C10orf67: variants seen among roughly 807,000 people sequenced by gnomAD.
C10orf67 encodes the protein chromosome 10 open reading frame 67, also known as uncharacterized protein C10orf67, mitochondrial.
A neutral mutation model predicts 35.6 loss-of-function variants in C10orf67; 60 were observed. The observed-to-expected ratio is 1.68, with a 90% confidence interval of 1.37 to 2.09. C10orf67 has a LOEUF of 2.09. C10orf67 is among the 30% of genes most tolerant of loss of function. C10orf67 has a pLI of 0.00. For synonymous variants in C10orf67, 167 were observed against 115.8 expected (o/e 1.44, Z -2.84); for missense variants, 474 against 330.2 (o/e 1.44, Z -3.38).
rs771998693 is a variant in C10orf67, at chr10:23,291,235, T to C, written c.747A>G (p.Glu249=). 1 of 716,924 alleles carries C rather than the reference T, an allele frequency of 1.4e-6. No homozygotes were observed. Among genetic ancestry groups the C allele is most frequent in the South Asian group, 1.5e-5 (1 of 67,468 alleles). The allele number at this position is 716,924 out of a possible 1,614,324, so 44.4% of individuals were successfully genotyped here. A position where few individuals can be genotyped will look rare whatever the true frequency, so the allele number is the denominator to read the frequency against. Residue 249 remains glutamate (E), a synonymous_variant, in exon 6 of 16, where the codon GAA becomes GAG. Transcript: ENST00000636213. The stretch of plus-strand genomic sequence containing the variant: ...CCACTTTGTACTCCAAATTTTCCTT[T>C]TCTAGGTTTGATTTTGGAGAGCTGG... ...KETSSPKSNL[E]KENLEYKVEN...
At chr10:23,308,569 C>T (rs1055470399) in intron 4 of C10orf67, among the ~76,000 whole-genome samples, 9 of 152,132 alleles carry the variant, frequency 5.9e-5, no homozygotes, top group Non-Finnish European at 1.3e-4. Flanking sequence ...CACGTTGCCA[C>T]AGGTCTCTGT....
chr10:23,271,048 C>T (rs1460106078), intron 8 of C10orf67, among the ~76,000 whole-genome samples: 4 of 152,174 alleles, frequency 2.6e-5, no homozygotes, highest in East Asian at 3.8e-4. Flanking sequence ...CAAAGAAACA[C>T]ATATGCTCAA....
chr10:23,248,459 G>A (rs1842369986), intron 12 of C10orf67, among the ~76,000 whole-genome samples: 1 of 152,160 alleles, frequency 6.6e-6, no homozygotes, highest in South Asian at 2.1e-4. Flanking sequence ...GATGGAAAAG[G>A]AGCTTGGAAA....
In C10orf67 at chr10:23,216,180, C is replaced by T. The variant is rs1174643279; in HGVS notation, c.1570+7418G>A. Among the ~76,000 whole-genome samples, 5 of 152,024 alleles carry T rather than the reference C, an allele frequency of 3.3e-5. 1 individual carries two copies. The East Asian group carries it at 5.8e-4, about 18-fold the overall frequency. On this transcript the variant is annotated intron_variant, in intron 15 of 15. Transcript: ENST00000636213. ...ATGTATAGACTCCTATAAAAAAGAA[C>T]CACCCAATTATAGAAAAATCATCTA...
At chr10:23,293,931 T>C (rs1356765439) in intron 5 of C10orf67, among the ~76,000 whole-genome samples, 1 of 152,220 alleles carries the variant, frequency 6.6e-6, no homozygotes, top group Non-Finnish European at 1.5e-5. Context: ...AACCCAGAGC[T>C]ACTGTGTCAG....
chr10:23,205,549 G>A (rs1238075419), intron 15 of C10orf67, among the ~76,000 whole-genome samples: 1 of 152,220 alleles, frequency 6.6e-6, no homozygotes, highest in African/African-American at 2.4e-5. Flanking sequence ...AGTTCTGGTA[G>A]TACAATGTTG....
rs56738859 is a variant in C10orf67 at position 23,307,608 on chromosome 10, G to GT, written c.547-4150dup. Among the ~76,000 whole-genome samples, 607 of 135,758 alleles carry GT rather than the reference G, an allele frequency of 4.5e-3. 2 individuals carry two copies. The highest frequency in any genetic ancestry group is 8.6e-3 in the African/African-American group (314 of 36,632). The allele number at this position is 135,758 out of a possible 152,430, so 89.1% of individuals were successfully genotyped here. A position where few individuals can be genotyped will look rare whatever the true frequency, so the allele number is the denominator to read the frequency against. On this transcript the variant is annotated intron_variant, in intron 4 of 15. Coordinates refer to ENST00000636213, the MANE Select transcript of C10orf67 (RefSeq NM_001371909.1). ...TTTATTTATTTAGATTTTTTATTTA[G>GT]TTTTTTTTTTTTTTTTTTAAGACAG...
intron 4 of C10orf67, among the ~76,000 whole-genome samples, chr10:23,314,860 C>G (rs1844640289): frequency 6.6e-6 from 1 of 152,092 alleles, no homozygotes; most frequent in South Asian, 2.1e-4. Context: ...ACATACAACT[C>G]TTTATCTTTG....
Position 23,303,290 on chromosome 10 carries a change from GC to G in C10orf67, c.702+13del. 1 of 515,554 alleles carries G rather than the reference GC, an allele frequency of 1.9e-6. No homozygotes were observed. The highest frequency in any genetic ancestry group is 3.5e-6 in the Non-Finnish European group (1 of 285,740). The allele number at this position is 515,554 out of a possible 1,614,324, so 31.9% of individuals were successfully genotyped here. A position where few individuals can be genotyped will look rare whatever the true frequency, so the allele number is the denominator to read the frequency against. Reference sequence around the variant, plus strand: ...TGTATATTAAAATTAATTATTCCTTGCCTTGAAACTTACCATTTTGTGAAAT... The same window carrying G: ...TGTATATTAAAATTAATTATTCCTTGCTTGAAACTTACCATTTTGTGAAAT... On this transcript the variant is annotated intron_variant, in intron 5 of 15. Coordinates refer to ENST00000636213, the MANE Select transcript of C10orf67 (RefSeq NM_001371909.1).
At chr10:23,337,732 T>TAC (rs2132409349) in intron 1 of C10orf67, among the ~76,000 whole-genome samples, 1 of 152,314 alleles carries the variant, frequency 6.6e-6, no homozygotes, top group South Asian at 2.1e-4. Context: ...GAACCATGCC[T>TAC]ACTAAAGTTG....
chr10:23,320,968 C>T (rs11013386), intron 3 of C10orf67, among the ~76,000 whole-genome samples, 153 bp from the exon 4 acceptor site: 11,751 of 152,180 alleles, frequency 0.077, 1,397 homozygotes, highest in East Asian at 0.62. Context: ...ACCCTGCAGC[C>T]GTTATGACAC....
Position 23,203,961 on chromosome 10 carries a change from T to C in C10orf67, c.*212A>G. 1 of 362,634 alleles carries C rather than the reference T, an allele frequency of 2.8e-6. No individual in the cohort carries two copies. 22.5% of individuals were successfully genotyped at this position (362,634 alleles called of 1,614,324 possible). A position where few individuals can be genotyped will look rare whatever the true frequency, so the allele number is the denominator to read the frequency against. On this transcript the variant is annotated 3_prime_UTR_variant, in exon 16 of 16. Transcript: ENST00000636213. ...CCGCTCACCCAGCACCAGCCAGGGC[T>C]TTCCTTAAAGGCGTGGAAAGGAGCG...
intron 5 of C10orf67, among the ~76,000 whole-genome samples, chr10:23,296,953 G>A (rs1843898666): frequency 6.6e-6 from 1 of 152,244 alleles, no homozygotes. Context: ...TGCTATTAAT[G>A]CCTAAGTGAA....
chr10:23,244,456 A>G (rs1457757386), intron 12 of C10orf67, among the ~76,000 whole-genome samples: 2 of 152,324 alleles, frequency 1.3e-5, no homozygotes, highest in East Asian at 1.9e-4. Context: ...GATAAAAGCA[A>G]AAGTCAATTA....
At chr10:23,222,354 G>T (rs1417784323) in intron 15 of C10orf67, among the ~76,000 whole-genome samples, 1 of 152,048 alleles carries the variant, frequency 6.6e-6, no homozygotes, top group African/African-American at 2.4e-5. Context: ...GGAACTCTAT[G>T]GTTAATTAAA....
At chr10:23,301,487 A>G (rs949521656) in intron 5 of C10orf67, among the ~76,000 whole-genome samples, 1 of 152,196 alleles carries the variant, frequency 6.6e-6, no homozygotes, top group African/African-American at 2.4e-5. Flanking sequence ...TGGTCCCAAT[A>G]TTACTCATCG....
intron 8 of C10orf67, among the ~76,000 whole-genome samples, chr10:23,269,604 A>T (rs1479381918): frequency 1.3e-5 from 2 of 152,212 alleles, no homozygotes; most frequent in African/African-American, 4.8e-5. Context: ...AATGGCTAGG[A>T]TGTATTCAAA....
rs184522693 is a variant in C10orf67 at position 23,239,912 on chromosome 10, T to C, written c.1347-96A>G. On this transcript the variant is annotated intron_variant, in intron 12 of 15. Transcript: ENST00000636213. ...AATGAGGTAGGAAACTACATTAAAA[T>C]TTTAAAATATTACCAAATAAAAATA... 9.3e-4 allele frequency: 424 copies of C among 456,160 alleles called. 4 individuals are homozygous for C. Among genetic ancestry groups the C allele is most frequent in the African/African-American group, 5.5e-3 (281 of 50,768 alleles). The allele number at this position is 456,160 out of a possible 1,614,324, so 28.3% of individuals were successfully genotyped here.
intron 8 of C10orf67, among the ~76,000 whole-genome samples, chr10:23,279,830 TAATAAATA>T (rs150266853): frequency 2.7e-5 from 4 of 150,888 alleles, no homozygotes; most frequent in African/African-American, 9.7e-5. Flanking sequence ...AAGTTGTATA[TAATAAATA>T]AATAAATAAA....
Sources: allele counts gnomAD v4.1 joint callset (sites outside exome capture counted in the v4.1 genomes callset), GRCh38; gene constraint gnomAD v4.1.1; transcripts MANE v1.5; gene names NCBI Gene and HGNC (gene_info 2026-07-23, HGNC 2026-07-21).